SDK2: variants seen among roughly 807,000 people sequenced by gnomAD.
SDK2 encodes protein sidekick-2.
Under a neutral mutation model 253.9 loss-of-function variants are expected in SDK2, and 105 were observed. The observed-to-expected ratio is 0.41, with a 90% confidence interval of 0.35 to 0.49. SDK2 has a LOEUF of 0.49. Among genes scored for constraint, SDK2 ranks in the 20% least tolerant of loss-of-function variants. SDK2 has a pLI of 0.06. For synonymous variants in SDK2, 1,249 were observed against 1,234.9 expected, an observed-to-expected ratio of 1.01 and a Z score of -0.24; for missense variants, 2,608 against 3,003.0, an observed-to-expected ratio of 0.87 and a Z score of 3.07.
chr17:73,608,877 TGG>T (rs1271499914), intron 1 of SDK2, among the ~76,000 whole-genome samples: 16 of 152,208 alleles, frequency 1.1e-4, no homozygotes, highest in Non-Finnish European at 1.3e-4. Context: ...GTGACTGCAG[TGG>T]CTCAGGACAA....
chr17:73,372,194 G>A (rs1041989060), intron 36 of SDK2, among the ~76,000 whole-genome samples: 7 of 152,248 alleles, frequency 4.6e-5, no homozygotes, highest in South Asian at 2.1e-4. Context: ...TGCATTCTGC[G>A]GACCTTTGTT....
chr17:73,475,764 C>T (rs1172226299), intron 2 of SDK2, among the ~76,000 whole-genome samples: 2 of 152,202 alleles, frequency 1.3e-5, no homozygotes, highest in East Asian at 1.9e-4. Flanking sequence ...CTGTTAGGGA[C>T]AAGAATGATA....
chr17:73,522,640 G>A (rs2064091282), intron 1 of SDK2, among the ~76,000 whole-genome samples: 1 of 152,196 alleles, frequency 6.6e-6, no homozygotes, highest in South Asian at 2.1e-4. Context: ...TCCATCCAGG[G>A]AGGTCAGCAG....
chr17:73,339,727 A>C lies in SDK2; in HGVS notation c.6166-787T>G, dbSNP rs926523757. 2.0e-5 allele frequency among the ~76,000 whole-genome samples: 3 copies of C among 151,788 alleles called. No individual in the cohort carries two copies. The East Asian group carries it at 5.8e-4, about 29-fold the overall frequency. ...TGCCACCACGCCCCACTAACTTAAA[A>C]AAATTTTTCTCTTGTGATGAGCTCT... On this transcript the variant is annotated intron_variant, in intron 44 of 44. Transcript: ENST00000392650.
At chr17:73,486,690 G>A (rs559487596) in intron 2 of SDK2, among the ~76,000 whole-genome samples, 27 of 152,020 alleles carry the variant, frequency 1.8e-4, no homozygotes, top group Non-Finnish European at 3.2e-4. Context: ...AGGGTCTGGG[G>A]TCCTGTACCC....
At chr17:73,381,307 C>T (rs1286813486) in intron 33 of SDK2, among the ~76,000 whole-genome samples, 2 of 152,050 alleles carry the variant, frequency 1.3e-5, no homozygotes, top group Non-Finnish European at 1.5e-5. Context: ...GCATGAAATA[C>T]TGGAGTCGTT....
chr17:73,373,018 T>C (rs756043140), intron 36 of SDK2, among the ~76,000 whole-genome samples: 2 of 152,210 alleles, frequency 1.3e-5, no homozygotes, highest in Non-Finnish European at 2.9e-5. Flanking sequence ...TGGGACCTTC[T>C]CCCTATTTCC....
At chr17:73,614,963 T>C (rs1264541453) in intron 1 of SDK2, among the ~76,000 whole-genome samples, 2 of 141,470 alleles carry the variant, frequency 1.4e-5, no homozygotes, top group Non-Finnish European at 3.0e-5. Context: ...CGCATGTGTG[T>C]CCCCTGAATA....
chr17:73,512,700 C>T (rs967146760), intron 1 of SDK2, among the ~76,000 whole-genome samples: 2 of 152,130 alleles, frequency 1.3e-5, no homozygotes, highest in African/African-American at 2.4e-5. Context: ...CTAGCATAGA[C>T]ATTTAACTAC....
intron 1 of SDK2, among the ~76,000 whole-genome samples, chr17:73,623,777 C>T (rs1248638369): frequency 6.6e-6 from 1 of 152,174 alleles, no homozygotes; most frequent in Non-Finnish European, 1.5e-5. Flanking sequence ...GACTGCTCTG[C>T]CCGTTTCCCG....
Position 73,606,965 on chromosome 17 carries a change from C to T in SDK2, c.64+37060G>A, listed in dbSNP as rs952818418. Among the ~76,000 whole-genome samples the T allele has an allele frequency of 2.6e-5, 4 of 152,140 alleles. No homozygotes were observed. The East Asian group carries it at 7.7e-4, about 29-fold the overall frequency. On this transcript the variant is annotated intron_variant, in intron 1 of 44. Transcript: ENST00000392650. ...CCAAGATGGAAAAGCATTGGAATGG[C>T]CCAAGAGCCAATGCTTCTTGAGGGT...
intron 1 of SDK2, among the ~76,000 whole-genome samples, chr17:73,526,778 A>C (rs2064129392): frequency 6.6e-6 from 1 of 152,210 alleles, no homozygotes; most frequent in South Asian, 2.1e-4. Context: ...CTCCATCTCC[A>C]GCCTTTCTTA....
At chr17:73,562,491 G>C (rs962601735) in intron 1 of SDK2, among the ~76,000 whole-genome samples, 6 of 152,142 alleles carry the variant, frequency 3.9e-5, no homozygotes, top group African/African-American at 1.4e-4. Context: ...GAAAACACAA[G>C]AGAACAACAG....
chr17:73,636,370 T>C (rs1017067679), intron 1 of SDK2, among the ~76,000 whole-genome samples: 4 of 151,788 alleles, frequency 2.6e-5, no homozygotes, highest in African/African-American at 9.7e-5. Flanking sequence ...GACAAAAAGA[T>C]TCTAAACTGG....
intron 1 of SDK2, among the ~76,000 whole-genome samples, chr17:73,620,528 T>C (rs185308509): frequency 2.4e-4 from 37 of 152,324 alleles, no homozygotes; most frequent in African/African-American, 7.9e-4. Context: ...CTCCTAGGTA[T>C]AGACCCAAAA....
At position 73,431,481 on chromosome 17, in the gene SDK2, C is replaced by A; in HGVS notation, c.1480+21G>T. 1 of 1,603,408 alleles carries A rather than the reference C, an allele frequency of 6.2e-7. No homozygotes were observed. Among genetic ancestry groups the A allele is most frequent in the South Asian group, 1.1e-5 (1 of 90,278 alleles). ...ACACGCACACACAAATGTATAAAGC[C>A]CTGTGGCTCTGCACACTCACCCCAA... is the stretch of plus-strand genomic sequence containing the variant. On this transcript the variant is annotated intron_variant, in intron 11 of 44. Coordinates refer to ENST00000392650, the MANE Select transcript of SDK2 (RefSeq NM_001144952.2). This position sits in a 1 kb window ranked among gnomAD's most constrained non-coding sequence, Gnocchi z 5.6.
At chr17:73,486,376 AG>A (rs1599611659) in intron 2 of SDK2, among the ~76,000 whole-genome samples, 1 of 152,150 alleles carries the variant, frequency 6.6e-6, no homozygotes, top group Non-Finnish European at 1.5e-5. Context: ...TGGGAAGCCG[AG>A]GCAGGGGGAC....
chr17:73,395,522 C>G lies in SDK2; in HGVS notation c.3355-130G>C, dbSNP rs1044776076. The G allele has an allele frequency of 1.4e-5, 9 of 665,316 alleles. No individual in the cohort carries two copies. In the South Asian group the frequency reaches 1.7e-4, roughly 12 times the overall value. The allele number at this position is 665,316 out of a possible 1,614,324, so 41.2% of individuals were successfully genotyped here. ...CATCCCACTGTCACCCGGTCAGTGT[C>G]CACATGAGGCTCTCTCACCCGAGTG... On this transcript the variant is annotated intron_variant, in intron 24 of 44. Coordinates refer to ENST00000392650, the MANE Select transcript of SDK2 (RefSeq NM_001144952.2). This position sits in a 1 kb window ranked among gnomAD's most constrained non-coding sequence, Gnocchi z 4.3.
intron 1 of SDK2, among the ~76,000 whole-genome samples, chr17:73,575,273 G>C (rs937016892): frequency 1.3e-5 from 2 of 152,148 alleles, no homozygotes; most frequent in Non-Finnish European, 2.9e-5. Flanking sequence ...GCCATCCTGT[G>C]ACAACTCTTG....
Sources: allele counts gnomAD v4.1 joint callset (sites outside exome capture counted in the v4.1 genomes callset), GRCh38; gene constraint gnomAD v4.1.1; non-coding constraint Gnocchi (gnomAD v3.1); transcripts MANE v1.5; gene names NCBI Gene and HGNC (gene_info 2026-07-23, HGNC 2026-07-21).